STXBP6: variants seen among roughly 807,000 people sequenced by gnomAD.
STXBP6 encodes syntaxin binding protein 6.
A neutral mutation model predicts 26.9 loss-of-function variants in STXBP6; 21 were observed. The observed-to-expected ratio is 0.78, with a 90% CI of 0.55 to 1.12. The LOEUF is 1.12. STXBP6 is among the 50% of genes most tolerant of loss of function. The pLI, the probability that STXBP6 is intolerant of heterozygous loss-of-function variation, is 0.00. For missense variants in STXBP6, 232 were observed against 257.9 expected (o/e 0.90, Z 0.69); for synonymous variants, 97 against 92.6 (o/e 1.05, Z -0.27).
intron 2 of STXBP6, among the ~76,000 whole-genome samples, chr14:24,874,866 C>A (rs2070076560): frequency 6.6e-6 from 1 of 152,164 alleles, no homozygotes; most frequent in African/African-American, 2.4e-5. Context: ...TCCTTCCTGA[C>A]TCCCTGTGAG....
chr14:24,954,817 T>C (rs2073287365), intron 2 of STXBP6, among the ~76,000 whole-genome samples: 2 of 152,216 alleles, frequency 1.3e-5, no homozygotes, highest in African/African-American at 4.8e-5. Flanking sequence ...CAGCCTGACA[T>C]AGAAGTGGCT....
At chr14:24,923,167 T>C (rs895030982) in intron 2 of STXBP6, among the ~76,000 whole-genome samples, 14 of 152,124 alleles carry the variant, frequency 9.2e-5, no homozygotes, top group Non-Finnish European at 1.9e-4. Flanking sequence ...CATGTCATTA[T>C]TCATATTTAG....
chr14:24,851,386 C>T (rs556276107), intron 4 of STXBP6, among the ~76,000 whole-genome samples: 2 of 148,298 alleles, frequency 1.3e-5, no homozygotes, highest in Non-Finnish European at 1.5e-5. Flanking sequence ...ATCCCTCCCC[C>T]CTCCCCCAAC....
chr14:24,850,022 A>G (rs1250889979), intron 4 of STXBP6, among the ~76,000 whole-genome samples: 1 of 152,130 alleles, frequency 6.6e-6, no homozygotes, highest in Non-Finnish European at 1.5e-5. Flanking sequence ...AGAAGGAAAA[A>G]TAACATAAAA....
At chr14:24,862,591 C>G (rs1258999208) in intron 2 of STXBP6, among the ~76,000 whole-genome samples, 1 of 152,114 alleles carries the variant, frequency 6.6e-6, no homozygotes, top group Non-Finnish European at 1.5e-5. Context: ...CTTAGTATCA[C>G]TAGTTCCTAG....
At chr14:24,834,355 G>A (rs1364985225) in intron 4 of STXBP6, among the ~76,000 whole-genome samples, 2 of 152,124 alleles carry the variant, frequency 1.3e-5, no homozygotes, top group African/African-American at 4.8e-5. Context: ...AATTTTAACA[G>A]AATCACACCT....
intron 2 of STXBP6, among the ~76,000 whole-genome samples, chr14:24,928,446 C>A (rs1440790924): frequency 6.6e-6 from 1 of 151,808 alleles, no homozygotes; most frequent in African/African-American, 2.4e-5. Context: ...TGCTAAGCTG[C>A]TCATTTAGAA....
rs909935300 is a variant in STXBP6, at chr14:24,819,541, G to A, written c.452-347C>T. ...TTGGCTTGCAAAGATAAATGAAAACGTTGACAAGTTCACAGAATTAGGCAA... is the reference window on the plus strand; with the variant it reads ...TTGGCTTGCAAAGATAAATGAAAACATTGACAAGTTCACAGAATTAGGCAA... On this transcript the variant is annotated intron_variant, in intron 4 of 5. Transcript: ENST00000323944. The A allele has an allele frequency of 5.6e-5, 29 of 516,544 alleles. 2 individuals carry two copies. Among genetic ancestry groups the A allele is most frequent in the Admixed American group, 2.1e-4 (6 of 28,316 alleles). The allele number at this position is 516,544 out of a possible 1,614,324, so 32.0% of individuals were successfully genotyped here.
intron 2 of STXBP6, among the ~76,000 whole-genome samples, chr14:24,894,191 A>G (rs927662061): frequency 6.6e-6 from 1 of 152,228 alleles, no homozygotes; most frequent in Non-Finnish European, 1.5e-5. Context: ...ACAAAAAGAC[A>G]AAGACCAATT....
intron 1 of STXBP6, among the ~76,000 whole-genome samples, chr14:24,987,568 C>T (rs1387765905): frequency 6.6e-6 from 1 of 152,266 alleles, no homozygotes; most frequent in Non-Finnish European, 1.5e-5. Flanking sequence ...TTTTACAAAG[C>T]CTTTCCTCAA....
At position 25,049,749 on chromosome 14, in the gene STXBP6, C is replaced by T. The variant is rs939059928; in HGVS notation, c.-33+129G>A. The T allele has an allele frequency of 3.0e-6, 3 of 985,496 alleles. No homozygotes were observed. The highest frequency in any genetic ancestry group is 3.6e-6 in the Non-Finnish European group (3 of 829,988). The allele number at this position is 985,496 out of a possible 1,614,324, so 61.0% of individuals were successfully genotyped here. A position where few individuals can be genotyped will look rare whatever the true frequency, so the allele number is the denominator to read the frequency against. On this transcript the variant is annotated intron_variant, in intron 1 of 5. Coordinates refer to ENST00000323944, the MANE Select transcript of STXBP6 (RefSeq NM_001394410.1). This position sits in a 1 kb window ranked among gnomAD's most constrained non-coding sequence, Gnocchi z 5.6. Reference sequence around the variant, plus strand: ...AAGAATCTCTCTGGGAGCCTGCCTACTCCCCTGGCCTCACAGCCACCCGCC... The same window carrying T: ...AAGAATCTCTCTGGGAGCCTGCCTATTCCCCTGGCCTCACAGCCACCCGCC...
At chr14:24,821,713 T>G in intron 4 of STXBP6, among the ~76,000 whole-genome samples, 2 of 152,246 alleles carry the variant, frequency 1.3e-5, no homozygotes, top group South Asian at 4.1e-4. Flanking sequence ...CCCTAAATAA[T>G]ATCTATATCC....
chr14:25,035,675 G>A (rs1403863772), intron 1 of STXBP6, among the ~76,000 whole-genome samples: 2 of 152,090 alleles, frequency 1.3e-5, no homozygotes, highest in Non-Finnish European at 2.9e-5. Flanking sequence ...AATGTCCTCA[G>A]AATTTTTTTT....
chr14:25,003,097 C>A (rs540278447), intron 1 of STXBP6, among the ~76,000 whole-genome samples: 1 of 152,178 alleles, frequency 6.6e-6, no homozygotes, highest in Non-Finnish European at 1.5e-5. Flanking sequence ...CACTGACTTT[C>A]GGCAAAAGAA....
At chr14:24,982,472 T>C (rs1167231856) in intron 1 of STXBP6, among the ~76,000 whole-genome samples, 2 of 152,172 alleles carry the variant, frequency 1.3e-5, no homozygotes, top group East Asian at 3.8e-4. Context: ...CTTAGATGAA[T>C]AACTCTGGAA....
intron 2 of STXBP6, among the ~76,000 whole-genome samples, chr14:24,965,488 T>A (rs1248528744): frequency 6.6e-6 from 1 of 151,960 alleles, no homozygotes; most frequent in African/African-American, 2.4e-5. Flanking sequence ...ACAATCTTTG[T>A]GTGGCAAGAA....
intron 1 of STXBP6, among the ~76,000 whole-genome samples, chr14:25,005,486 A>G (rs866200771): frequency 3.3e-5 from 5 of 152,234 alleles, no homozygotes; most frequent in Admixed American, 6.5e-5. Context: ...GGTCACCACC[A>G]CTTATGCAGT....
chr14:25,024,596 C>G (rs1295216616), intron 1 of STXBP6, among the ~76,000 whole-genome samples: 1 of 152,106 alleles, frequency 6.6e-6, no homozygotes, highest in Non-Finnish European at 1.5e-5. Context: ...CAATCAACAA[C>G]AAATCATTTC....
intron 1 of STXBP6, among the ~76,000 whole-genome samples, chr14:25,011,752 C>T (rs1952493): frequency 0.033 from 4,964 of 152,138 alleles, 264 homozygotes; most frequent in African/African-American, 0.11. Flanking sequence ...TTTGGTTCAG[C>T]CAACTACAGG....
Sources: gnomAD v4.1 joint callset for allele counts (sites outside exome capture counted in the v4.1 genomes callset) on GRCh38, gnomAD v4.1.1 for gene constraint, Gnocchi (gnomAD v3.1) non-coding constraint, MANE v1.5 for transcripts, NCBI Gene and HGNC (gene_info 2026-07-23, HGNC 2026-07-21) for gene names.